The following COX8A variants were observed in gnomAD, a reference collection of about 807,000 sequenced individuals.
COX8A encodes the protein cytochrome c oxidase subunit 8A.
In COX8A, 6 loss-of-function variants were observed where a neutral mutation model predicts 4.4. The ratio of observed to expected loss-of-function variants is 1.36; its 90% CI spans 0.74 to 2.68. The LOEUF (loss-of-function observed/expected upper bound fraction) is 2.68. COX8A is among the 30% of genes most tolerant of loss of function. COX8A has a pLI of 0.00. For missense variants in COX8A, 72 were observed against 89.6 expected (o/e 0.80, Z 0.79); for synonymous variants, 53 against 47.1 (o/e 1.12, Z -0.51).
rs1279440760 is a variant in COX8A, at chr11:63,974,640, G to C, written c.-41G>C. On this transcript the variant is annotated 5_prime_UTR_variant, in exon 1 of 2. Coordinates refer to ENST00000314133, the MANE Select transcript of COX8A (RefSeq NM_004074.3). ...CAGCCATTTTGGCTTCCTGACCTTG[G>C]GCTACGGCTGACCGTTTTTTGTGGT... is the stretch of plus-strand genomic sequence containing the variant. 2 of 1,559,680 alleles carry C rather than the reference G, an allele frequency of 1.3e-6. No homozygotes were observed. Among genetic ancestry groups the C allele is most frequent in the African/African-American group, 2.7e-5 (2 of 73,608 alleles).
At chr11:63,975,351 G>A (rs968845119) in intron 1 of COX8A, among the ~76,000 whole-genome samples, 6 of 151,452 alleles carry the variant, frequency 4.0e-5, no homozygotes, top group African/African-American at 1.5e-4. Context: ...ACTAAATTTT[G>A]TATTTTTAGT....
Position 63,976,436 on chromosome 11 carries a change from C to T in COX8A, c.*116C>T. 1 of 929,414 alleles carries T rather than the reference C, an allele frequency of 1.1e-6. No homozygotes were observed. The highest frequency in any genetic ancestry group is 1.7e-6 in the Non-Finnish European group (1 of 586,190). 57.6% of individuals were successfully genotyped at this position (929,414 alleles called of 1,614,324 possible). A position where few individuals can be genotyped will look rare whatever the true frequency, so the allele number is the denominator to read the frequency against. ...GATCATGTCATTCAATTCCAGTCAC[C>T]TCTTCTGCAATCATGACCTCTTGAT... On this transcript the variant is annotated 3_prime_UTR_variant, in exon 2 of 2. Transcript: ENST00000314133.
At chr11:63,975,664 C>T (rs1215884761) in intron 1 of COX8A, among the ~76,000 whole-genome samples, 9 of 152,104 alleles carry the variant, frequency 5.9e-5, no homozygotes, top group Middle Eastern at 3.4e-3. Flanking sequence ...CAACCTCCGC[C>T]TCCCAGGTTT....
chr11:63,974,672 C>T lies in COX8A; in HGVS notation c.-9C>T, dbSNP rs773908478. The T allele has an allele frequency of 7.5e-6, 12 of 1,599,606 alleles. No individual in the cohort carries two copies. The highest frequency in any genetic ancestry group is 1.0e-5 in the Non-Finnish European group (12 of 1,172,540). On this transcript the variant is annotated 5_prime_UTR_variant, in exon 1 of 2. Transcript: ENST00000314133. The stretch of plus-strand genomic sequence containing the variant: ...GCTGACCGTTTTTTGTGGTGTACTC[C>T]GTGCCATCATGTCCGTCCTGACGCC...
intron 1 of COX8A, 85 bp downstream of exon 1, chr11:63,974,879 C>T (rs760414755): frequency 3.6e-5 from 44 of 1,230,524 alleles, no homozygotes; most frequent in Non-Finnish European, 4.4e-5. Context: ...CTGAGAATGC[C>T]TCGCGCCCCG....
intron 1 of COX8A, 57 bp downstream of exon 1, chr11:63,974,851 A>G: frequency 7.0e-7 from 1 of 1,434,300 alleles, no homozygotes. Context: ...CCTTCTGCCT[A>G]GCTGACCTCA....
chr11:63,976,245 C>T lies in COX8A; in HGVS notation c.135C>T (p.Thr45=). Residue 45 remains threonine, a synonymous_variant, in exon 2 of 2, where the codon ACC becomes ACT. Coordinates refer to ENST00000314133, the MANE Select transcript of COX8A (RefSeq NM_004074.3). ...TGTAGGAATTGGCCGTTGGGCTTAC[C>T]TCCTGCTTCGTGACCTTCCTCCTGC... ...LGIMELAVGL[T]SCFVTFLLPA... 1 of 1,614,176 alleles carries T rather than the reference C, an allele frequency of 6.2e-7. No homozygotes were observed.
chr11:63,975,314 G>A (rs1400596612), intron 1 of COX8A, among the ~76,000 whole-genome samples: 3 of 151,918 alleles, frequency 2.0e-5, no homozygotes, highest in African/African-American at 7.3e-5. Flanking sequence ...GAATAGCTGG[G>A]ACTACAGGCG....
chr11:63,974,863 G>A (rs1364043333), intron 1 of COX8A, 69 bp downstream of exon 1: 44 of 1,367,176 alleles, frequency 3.2e-5, no homozygotes, highest in Non-Finnish European at 4.3e-5. Context: ...CTGACCTCAG[G>A]TGGTCCTGAG....
intron 1 of COX8A, 25 bp from the exon 2 acceptor site, chr11:63,976,200 G>A (rs1942538853): frequency 1.2e-6 from 2 of 1,605,968 alleles, no homozygotes; most frequent in Non-Finnish European, 8.5e-7. Flanking sequence ...ACTCCGAGGT[G>A]CCTTCTTTCT....
rs1176768162 is a variant in COX8A at position 63,976,266 on chromosome 11, C to T, written c.156C>T (p.Leu52=). 3.1e-6 allele frequency: 5 copies of T among 1,614,090 alleles called. No individual in the cohort carries two copies. Among genetic ancestry groups the T allele is most frequent in the African/African-American group, 1.3e-5 (1 of 74,926 alleles). The stretch of plus-strand genomic sequence containing the variant: ...TTACCTCCTGCTTCGTGACCTTCCT[C>T]CTGCCAGCGGGCTGGATCCTGTCAC... ...VGLTSCFVTF[L]LPAGWILSHL... is the part of the protein sequence containing the mutation. The change falls in exon 2 of 2, where the codon CTC becomes CTT. Residue 52 remains leucine, a synonymous_variant. Coordinates refer to ENST00000314133, the MANE Select transcript of COX8A (RefSeq NM_004074.3).
chr11:63,974,743 G>C lies in COX8A; in HGVS notation c.63G>C (p.Val21=). 6.2e-7 allele frequency: 1 copy of C among 1,608,182 alleles called. No individual in the cohort carries two copies. The highest frequency in any genetic ancestry group is 8.5e-7 in the Non-Finnish European group (1 of 1,177,684). Residue 21 remains valine, a synonymous_variant, in exon 1 of 2, where the codon GTG becomes GTC. Coordinates refer to ENST00000314133, the MANE Select transcript of COX8A (RefSeq NM_004074.3). Reference sequence around the variant, plus strand: ...CAGGCTCGGCCCGGCGGCTCCCAGTGCCGCGCGCCAAGATCCATTCGTTGC... The same window carrying C: ...CAGGCTCGGCCCGGCGGCTCCCAGTCCCGCGCGCCAAGATCCATTCGTTGC... ...GLTGSARRLP[V]PRAKIHSLPP...
rs200786823 is a variant in COX8A, at chr11:63,974,810, G to C, written c.114+16G>C. The C allele has an allele frequency of 8.1e-5, 127 of 1,577,556 alleles. No homozygotes were observed. The East Asian group carries it at 2.9e-3, about 36-fold the overall frequency. ...TGGGATCATGGTGAGGAACGGGCCT[G>C]GAAGAGCGCGGGAGGCGCCGTGGGC... On this transcript the variant is annotated intron_variant, in intron 1 of 1. Transcript: ENST00000314133.
chr11:63,976,134 C>T, intron 1 of COX8A, 91 bp from the exon 2 acceptor site: 3 of 1,228,804 alleles, frequency 2.4e-6, no homozygotes, highest in South Asian at 2.4e-5. Flanking sequence ...GCTCCCTGAG[C>T]GGGGCTTTCT....
intron 1 of COX8A, 82 bp from the exon 2 acceptor site, chr11:63,976,143 C>T (rs1565181117): frequency 2.9e-6 from 4 of 1,363,488 alleles, no homozygotes; most frequent in Admixed American, 1.7e-5. Context: ...GCGGGGCTTT[C>T]TGCTGCCTGG....
chr11:63,974,839 C>A, intron 1 of COX8A, 45 bp downstream of exon 1: 1 of 1,493,764 alleles, frequency 6.7e-7, no homozygotes, highest in Non-Finnish European at 9.0e-7. Context: ...CGTGGGCTGA[C>A]CCCTTCTGCC....
At chr11:63,975,739 C>A (rs1162194347) in intron 1 of COX8A, among the ~76,000 whole-genome samples, 1 of 150,858 alleles carries the variant, frequency 6.6e-6, no homozygotes, top group African/African-American at 2.4e-5. Context: ...CGCCACCACT[C>A]CCGGCTAATT....
chr11:63,976,110 G>A (rs759265316), intron 1 of COX8A, 115 bp from the exon 2 acceptor site: 39 of 929,756 alleles, frequency 4.2e-5, no homozygotes, highest in Non-Finnish European at 6.7e-5. Flanking sequence ...CCTCCCACTT[G>A]CCTCTGAGTC....
intron 1 of COX8A, 46 bp from the exon 2 acceptor site, chr11:63,976,179 G>T (rs1378332050): frequency 1.9e-6 from 3 of 1,560,294 alleles, no homozygotes; most frequent in Non-Finnish European, 2.7e-6. Context: ...AGAGAGCCTA[G>T]GGGAATACTG....
Sources: allele counts gnomAD v4.1 joint callset (sites outside exome capture counted in the v4.1 genomes callset), GRCh38; gene constraint gnomAD v4.1.1; transcripts MANE v1.5; gene names NCBI Gene and HGNC (gene_info 2026-07-23, HGNC 2026-07-21).